Variants in PRKDC observed in about 807,000 individuals in gnomAD.
PRKDC encodes DNA-dependent protein kinase catalytic subunit.
Under a neutral mutation model 486.9 loss-of-function variants are expected in PRKDC, and 82 were observed. That is an observed-to-expected ratio of 0.17 (90% CI 0.14 to 0.20). The LOEUF (loss-of-function observed/expected upper bound fraction) is 0.20. Among genes scored for constraint, PRKDC ranks in the 10% least tolerant of loss-of-function variants. The pLI is 1.00. For synonymous variants in PRKDC, 1,895 were observed against 1,837.0 expected, an observed-to-expected ratio of 1.03 and a Z score of -0.81; for missense variants, 4,504 against 5,038.2, an observed-to-expected ratio of 0.89 and a Z score of 3.21.
At chr8:47,780,575 G>A (rs1271460505) in intron 80 of PRKDC, among the ~76,000 whole-genome samples, 1 of 152,148 alleles carries the variant, frequency 6.6e-6, no homozygotes, top group Admixed American at 6.6e-5. Flanking sequence ...ATTAAAGTTA[G>A]CTTTAAAAGT....
At chr8:47,856,221 T>TG (rs1247616097) in intron 49 of PRKDC, among the ~76,000 whole-genome samples, 7 of 152,002 alleles carry the variant, frequency 4.6e-5, no homozygotes, top group East Asian at 3.9e-4. Context: ...TTTTTTGTGG[T>TG]GGGGGGGTGG....
At chr8:47,859,946 C>T (rs774854820) in intron 45 of PRKDC, among the ~76,000 whole-genome samples, 187 bp from the exon 46 acceptor site, 4 of 152,074 alleles carry the variant, frequency 2.6e-5, no homozygotes, top group Non-Finnish European at 5.9e-5. Context: ...ACCTCATTTT[C>T]TTTTTGTTGT....
chr8:47,798,498 G>A (rs960537412), intron 72 of PRKDC, 101 bp from the exon 73 acceptor site: 10 of 1,258,702 alleles, frequency 7.9e-6, no homozygotes, highest in African/African-American at 6.1e-5. Flanking sequence ...CTTGTATTTT[G>A]TAGTGTCATT....
chr8:47,813,678 C>T (rs375263737), intron 68 of PRKDC, among the ~76,000 whole-genome samples: 49 of 151,996 alleles, frequency 3.2e-4, no homozygotes, highest in African/African-American at 1.1e-3. Flanking sequence ...CGGGTTCAAG[C>T]GATTCTCCTG....
In PRKDC at chr8:47,828,220, C is replaced by T. The variant is rs749817386; in HGVS notation, c.8525G>A (p.Arg2842His). The T allele has an allele frequency of 1.1e-5, 18 of 1,613,586 alleles. No homozygotes were observed. Among genetic ancestry groups the T allele is most frequent in the South Asian group, 3.3e-5 (3 of 91,050 alleles). Residue 2842 changes from arginine to histidine, a missense_variant, in exon 62 of 86, where the codon CGT (arginine) becomes CAT (histidine). By Grantham distance (29) the Arg-to-His change is conservative. Transcript: ENST00000314191. ...GAAAGAGAAGGTGGTATTAAGAAAA[C>T]GATTGAAGTCTTGAAGCAACTTTTG... ...ITQKLLQDFN[R>H]FLNTTFSFFP...
chr8:47,807,407 A>C, intron 68 of PRKDC, 81 bp from the exon 69 acceptor site: 1 of 1,223,756 alleles, frequency 8.2e-7, no homozygotes, highest in Non-Finnish European at 1.1e-6. Flanking sequence ...GAAATTCTAA[A>C]CCTTAGTAAA....
chr8:47,958,969 C>T (rs1467101227), intron 1 of PRKDC: 1 of 152,232 alleles, frequency 6.6e-6, no homozygotes, highest in Admixed American at 6.5e-5. Context: ...CTCCTGACCT[C>T]AGGTGATCCA....
intron 25 of PRKDC, among the ~76,000 whole-genome samples, chr8:47,908,147 T>A (rs566599910): frequency 3.9e-5 from 6 of 152,342 alleles, no homozygotes; most frequent in Admixed American, 6.5e-5. Flanking sequence ...CCACCAACCA[T>A]GACACGCAGG....
In PRKDC at chr8:47,955,861, G is replaced by C. The variant is rs2090692435; in HGVS notation, c.399+13C>G. The C allele has an allele frequency of 6.4e-7, 1 of 1,554,752 alleles. No individual in the cohort carries two copies. The highest frequency in any genetic ancestry group is 8.8e-7 in the Non-Finnish European group (1 of 1,138,536). ...GTTTAATGTAAAATACGTGTACTTA[G>C]AAACATAATTACCTTAATAAGAAGG... is the stretch of plus-strand genomic sequence containing the variant. On this transcript the variant is annotated intron_variant, in intron 4 of 85. Coordinates refer to ENST00000314191, the MANE Select transcript of PRKDC (RefSeq NM_006904.7).
chr8:47,893,452 C>T, intron 30 of PRKDC, 65 bp from the exon 31 acceptor site: 1 of 1,342,840 alleles, frequency 7.4e-7, no homozygotes, highest in Non-Finnish European at 9.7e-7. Flanking sequence ...AATCTTTGTA[C>T]CTAAAATTTC....
At chr8:47,914,095 AC>A in intron 23 of PRKDC, 31 bp from the exon 24 acceptor site, 1 of 1,407,732 alleles carries the variant, frequency 7.1e-7, no homozygotes, top group Non-Finnish European at 9.3e-7. Context: ...AGAATGAAAC[AC>A]TTTTTTTCTT....
intron 19 of PRKDC, among the ~76,000 whole-genome samples, chr8:47,928,715 G>C (rs1421307321): frequency 6.6e-6 from 1 of 151,474 alleles, no homozygotes; most frequent in Non-Finnish European, 1.5e-5. Context: ...ACAGAGTCTC[G>C]CTGTGTCACC....
chr8:47,808,117 T>C (rs1253906388), intron 68 of PRKDC, among the ~76,000 whole-genome samples: 1 of 152,198 alleles, frequency 6.6e-6, no homozygotes, highest in Non-Finnish European at 1.5e-5. Flanking sequence ...TACATAACAG[T>C]AAACAGTTTA....
chr8:47,825,724 C>T (rs887328305), intron 63 of PRKDC, among the ~76,000 whole-genome samples: 1 of 152,134 alleles, frequency 6.6e-6, no homozygotes, highest in Non-Finnish European at 1.5e-5. Context: ...GGTGTCACTT[C>T]CTGTTCACTT....
rs370153408 is a variant in PRKDC, at chr8:47,859,619, G to A, written c.6199C>T (p.Arg2067Trp). Residue 2067 changes from arginine (R) to tryptophan (W), a missense_variant, in exon 46 of 86, where the codon CGG becomes TGG. By Grantham distance (101) the Arg-to-Trp change is moderately radical (BLOSUM62 -3). Around this residue, in one of 6 missense-constraint regions of PRKDC, gnomAD observed 1,592 missense variants for 1,724.6 expected, o/e 0.92. Transcript: ENST00000314191. ...ATGTGAAATGTGATCACCCGTCTCC[G>A]AAAACGACCAGTGGCAGGTCTAGGG... ...QDPRPATGRFRRREQRDPTVH... is the reference protein window; with the variant it reads ...QDPRPATGRFWRREQRDPTVH... The A allele has an allele frequency of 8.4e-5, 136 of 1,610,392 alleles. 1 individual carries two copies. The highest frequency in any genetic ancestry group is 1.1e-4 in the Non-Finnish European group (124 of 1,178,784).
In PRKDC at chr8:47,828,592, C is replaced by T. The variant is rs192096929; in HGVS notation, c.8398-245G>A. Among the ~76,000 whole-genome samples the T allele has an allele frequency of 6.4e-4, 98 of 152,230 alleles. No individual in the cohort carries two copies. In the Middle Eastern group the frequency reaches 0.024, roughly 37 times the overall value. On this transcript the variant is annotated intron_variant, in intron 61 of 85. Transcript: ENST00000314191. The stretch of plus-strand genomic sequence containing the variant: ...CCAGAGAGATACATTTAAAAGCTGG[C>T]TTAATCAATACATAATGACATAGCT...
chr8:47,958,935 C>T (rs1032805309), intron 1 of PRKDC, among the ~76,000 whole-genome samples: 2 of 152,114 alleles, frequency 1.3e-5, no homozygotes, highest in African/African-American at 4.8e-5. Flanking sequence ...AAGGTTTCAC[C>T]ATACTGGTCA....
chr8:47,914,161 T>C (rs1167584978), intron 23 of PRKDC, 97 bp from the exon 24 acceptor site: 5 of 1,083,998 alleles, frequency 4.6e-6, no homozygotes, highest in East Asian at 6.0e-5. Context: ...CCAGCTGTTC[T>C]ACATTCTATT....
intron 55 of PRKDC, 55 bp downstream of exon 55, chr8:47,839,961 A>C: frequency 7.1e-7 from 1 of 1,405,164 alleles, no homozygotes; most frequent in Non-Finnish European, 9.6e-7. Context: ...TCGTCGACAG[A>C]GCAAGACCTT....
Sources: allele counts gnomAD v4.1 joint callset (sites outside exome capture counted in the v4.1 genomes callset), GRCh38; gene constraint gnomAD v4.1.1; regional missense constraint gnomAD v4.1.1; transcripts MANE v1.5; gene names NCBI Gene and HGNC (gene_info 2026-07-23, HGNC 2026-07-21).